KCNC2: variants seen among roughly 807,000 people sequenced by gnomAD.
The protein encoded by KCNC2 is voltage-gated potassium channel KCNC2.
In KCNC2, 21 loss-of-function variants were observed where a neutral mutation model predicts 44.5. The observed-to-expected ratio is 0.47, with a 90% CI of 0.33 to 0.68. KCNC2 has a LOEUF of 0.68. KCNC2 is among the 30% of genes least tolerant of loss of function. KCNC2 has a pLI of 0.01. For synonymous variants in KCNC2, 391 were observed against 339.1 expected (o/e 1.15, Z -1.68); for missense variants, 589 against 826.2 (o/e 0.71, Z 3.52).
At chr12:75,093,820 G>C (rs1294400125) in intron 2 of KCNC2, among the ~76,000 whole-genome samples, 13 of 151,574 alleles carry the variant, frequency 8.6e-5, no homozygotes, top group Non-Finnish European at 3.0e-5. Flanking sequence ...AAGAAACATA[G>C]GTCTACTGAC....
At chr12:75,132,557 C>G (rs1019041641) in intron 2 of KCNC2, among the ~76,000 whole-genome samples, 2 of 152,074 alleles carry the variant, frequency 1.3e-5, no homozygotes, top group African/African-American at 4.8e-5. Flanking sequence ...AGGGCAAGGA[C>G]ACATGTTAAG....
chr12:75,081,121 G>C (rs1265500305), intron 2 of KCNC2, among the ~76,000 whole-genome samples: 4 of 151,986 alleles, frequency 2.6e-5, no homozygotes, highest in Non-Finnish European at 5.9e-5. Flanking sequence ...TATATCCTCA[G>C]TATTCATCTA....
Position 75,077,706 on chromosome 12 carries a change from C to T in KCNC2, c.688-26389G>A, listed in dbSNP as rs1884124532. On this transcript the variant is annotated intron_variant, in intron 2 of 4. Coordinates refer to ENST00000549446, the MANE Select transcript of KCNC2 (RefSeq NM_139137.4). ...AAGAGAGACCTAAGCAATGTAGGACCTATTCAGTGAGTAATGTCCTTTGTT... is the reference window on the plus strand; with the variant it reads ...AAGAGAGACCTAAGCAATGTAGGACTTATTCAGTGAGTAATGTCCTTTGTT... 2.0e-5 allele frequency among the ~76,000 whole-genome samples: 3 copies of T among 151,954 alleles called. No homozygotes were observed. In the South Asian group the frequency reaches 6.2e-4, roughly 31 times the overall value.
chr12:75,193,433 G>C (rs1008066469), intron 2 of KCNC2, among the ~76,000 whole-genome samples: 7 of 152,100 alleles, frequency 4.6e-5, no homozygotes, highest in African/African-American at 1.7e-4. Flanking sequence ...TACTAGGAGA[G>C]GGAGCTGGCT....
At chr12:75,117,835 T>C (rs758051656) in intron 2 of KCNC2, among the ~76,000 whole-genome samples, 3 of 152,108 alleles carry the variant, frequency 2.0e-5, no homozygotes, top group Admixed American at 6.6e-5. Flanking sequence ...TACTTAAAAG[T>C]GTTTAAAAGA....
intron 4 of KCNC2, among the ~76,000 whole-genome samples, chr12:75,045,949 A>G (rs1317716260): frequency 6.6e-6 from 1 of 151,850 alleles, no homozygotes; most frequent in Non-Finnish European, 1.5e-5. Flanking sequence ...AATAAATGAA[A>G]GGATTATATA....
At chr12:75,146,397 C>T (rs918195076) in intron 2 of KCNC2, among the ~76,000 whole-genome samples, 3 of 152,216 alleles carry the variant, frequency 2.0e-5, no homozygotes, top group Non-Finnish European at 4.4e-5. Context: ...ATATAAGTGA[C>T]ATCTCTGGCT....
At chr12:75,141,546 G>C (rs1436463625) in intron 2 of KCNC2, among the ~76,000 whole-genome samples, 1 of 152,060 alleles carries the variant, frequency 6.6e-6, no homozygotes, top group East Asian at 1.9e-4. Context: ...CTGACTGCTG[G>C]CTCTTCTTCA....
At chr12:75,103,938 A>G (rs1374721052) in intron 2 of KCNC2, among the ~76,000 whole-genome samples, 2 of 152,310 alleles carry the variant, frequency 1.3e-5, no homozygotes, top group East Asian at 3.9e-4. Flanking sequence ...ATAAATGCCT[A>G]CATGAAGAGG....
In KCNC2 at chr12:75,140,663, C is replaced by T. The variant is rs116131996; in HGVS notation, c.687+66634G>A. On this transcript the variant is annotated intron_variant, in intron 2 of 4. Transcript: ENST00000549446. The stretch of plus-strand genomic sequence containing the variant: ...TCATGAATAAATGGAAAAACCAAAA[C>T]GCAGGCAGACAAAAAAGAATATCTG... Among the ~76,000 whole-genome samples the T allele has an allele frequency of 8.0e-3, 1,201 of 150,572 alleles. 13 individuals carry two copies. The highest frequency in any genetic ancestry group is 0.027 in the African/African-American group (1,124 of 40,910).
chr12:75,155,211 C>T (rs2471655), intron 2 of KCNC2, among the ~76,000 whole-genome samples: 23,324 of 151,808 alleles, frequency 0.15, 1,987 homozygotes, highest in Non-Finnish European at 0.19. Context: ...ATTGGATGTG[C>T]AAATTGGATT....
At position 75,125,610 on chromosome 12, in the gene KCNC2, A is replaced by G. The variant is rs1888361557; in HGVS notation, c.688-74293T>C. 5.9e-5 allele frequency among the ~76,000 whole-genome samples: 9 copies of G among 152,332 alleles called. 1 individual carries two copies. Among genetic ancestry groups the G allele is most frequent in the Middle Eastern group, 3.4e-3 (1 of 294 alleles). On this transcript the variant is annotated intron_variant, in intron 2 of 4. Coordinates refer to ENST00000549446, the MANE Select transcript of KCNC2 (RefSeq NM_139137.4). Reference sequence around the variant, plus strand: ...ACTTCACAAAGTGATCATTCTGAATATGAGACATTGCGCTATGCCTTCTGT... The same window carrying G: ...ACTTCACAAAGTGATCATTCTGAATGTGAGACATTGCGCTATGCCTTCTGT...
At chr12:75,061,287 T>C (rs979704625) in intron 2 of KCNC2, among the ~76,000 whole-genome samples, 1 of 151,872 alleles carries the variant, frequency 6.6e-6, no homozygotes. Flanking sequence ...ACAAACAGAA[T>C]AGGAAGAAAG....
chr12:75,133,281 T>C lies in KCNC2; in HGVS notation c.687+74016A>G, dbSNP rs935771650. On this transcript the variant is annotated intron_variant, in intron 2 of 4. Coordinates refer to ENST00000549446, the MANE Select transcript of KCNC2 (RefSeq NM_139137.4). ...GTATATTTCAAAATAGCTAAAAGAT[T>C]TGGAATATCCTCAACAAAAAAGATG... is the stretch of plus-strand genomic sequence containing the variant. 2.0e-5 allele frequency among the ~76,000 whole-genome samples: 3 copies of C among 151,970 alleles called. No individual in the cohort carries two copies. In the South Asian group the frequency reaches 6.2e-4, roughly 31 times the overall value.
At chr12:75,136,966 C>G (rs1189033264) in intron 2 of KCNC2, among the ~76,000 whole-genome samples, 1 of 152,140 alleles carries the variant, frequency 6.6e-6, no homozygotes, top group Admixed American at 6.5e-5. Flanking sequence ...ACTCTCTCCT[C>G]TTTCCTTGTC....
chr12:75,136,113 A>C (rs1276663960), intron 2 of KCNC2, among the ~76,000 whole-genome samples: 1 of 152,090 alleles, frequency 6.6e-6, no homozygotes, highest in Non-Finnish European at 1.5e-5. Context: ...AATAACACCA[A>C]ATTTAAAAGA....
At position 75,041,319 on chromosome 12, in the gene KCNC2, A is replaced by C; in HGVS notation, c.*1786T>G. 2.7e-6 allele frequency: 4 copies of C among 1,499,186 alleles called. No homozygotes were observed. Among genetic ancestry groups the C allele is most frequent in the Non-Finnish European group, 3.5e-6 (4 of 1,126,854 alleles). The allele number at this position is 1,499,186 out of a possible 1,614,324, so 92.9% of individuals were successfully genotyped here. On this transcript the variant is annotated 3_prime_UTR_variant, in exon 5 of 5. Coordinates refer to ENST00000549446, the MANE Select transcript of KCNC2 (RefSeq NM_139137.4). ...ATCAAAAGAATCACTGTGTCTCTAAATATCATATATGTATGTCTGGATAAA... is the reference window on the plus strand; with the variant it reads ...ATCAAAAGAATCACTGTGTCTCTAACTATCATATATGTATGTCTGGATAAA...
intron 2 of KCNC2, among the ~76,000 whole-genome samples, chr12:75,054,534 T>A (rs540893551): frequency 6.6e-5 from 10 of 152,172 alleles, no homozygotes; most frequent in Non-Finnish European, 1.0e-4. Context: ...AATTTTAAGA[T>A]GATGCCTTTT....
At chr12:75,152,317 A>G in intron 2 of KCNC2, among the ~76,000 whole-genome samples, 1 of 151,730 alleles carries the variant, frequency 6.6e-6, no homozygotes, top group African/African-American at 2.4e-5. Context: ...AAATCAACGA[A>G]AAAGAAAACA....
Sources: gnomAD v4.1 joint callset for allele counts (sites outside exome capture counted in the v4.1 genomes callset) on GRCh38, gnomAD v4.1.1 for gene constraint, MANE v1.5 for transcripts, NCBI Gene and HGNC (gene_info 2026-07-23, HGNC 2026-07-21) for gene names.